Variants in CTNNA3 observed in about 807,000 individuals in gnomAD.
The protein encoded by CTNNA3 is catenin alpha-3.
In CTNNA3, 76 loss-of-function variants were observed where a neutral mutation model predicts 95.7. The ratio of observed to expected loss-of-function variants is 0.79; its 90% CI spans 0.66 to 0.96. The LOEUF is 0.96. Ranked by LOEUF, CTNNA3 falls within the 40% of genes least tolerant of loss-of-function variation. CTNNA3 has a pLI of 0.00. For synonymous variants in CTNNA3, 431 were observed against 374.4 expected (o/e 1.15, Z -1.74); for missense variants, 1,191 against 1,089.8 (o/e 1.09, Z -1.31).
chr10:66,121,576 G>T (rs900391177), intron 13 of CTNNA3, among the ~76,000 whole-genome samples: 3 of 152,152 alleles, frequency 2.0e-5, no homozygotes, highest in Non-Finnish European at 2.9e-5. Flanking sequence ...GTAGCCAGGT[G>T]CAGTGGTTCA....
At chr10:67,345,766 T>C (rs1842390963) in intron 5 of CTNNA3, among the ~76,000 whole-genome samples, 1 of 152,046 alleles carries the variant, frequency 6.6e-6, no homozygotes, top group South Asian at 2.1e-4. Context: ...TGGGTCTTAT[T>C]TTTTTATCCA....
At position 66,130,566 on chromosome 10, in the gene CTNNA3, C is replaced by T. The variant is rs567144868; in HGVS notation, c.1885-27317G>A. Reference sequence around the variant, plus strand: ...CTCCATAGAAATACAAAGAATCGGCCGGGCACTGTGGCTCACGCCTGTAAT... The same window carrying T: ...CTCCATAGAAATACAAAGAATCGGCTGGGCACTGTGGCTCACGCCTGTAAT... On this transcript the variant is annotated intron_variant, in intron 13 of 17. Coordinates refer to ENST00000433211, the MANE Select transcript of CTNNA3 (RefSeq NM_013266.4). Among the ~76,000 whole-genome samples the T allele has an allele frequency of 2.0e-4, 30 of 152,066 alleles. No individual in the cohort carries two copies. The South Asian group carries it at 2.5e-3, about 13-fold the overall frequency.
chr10:67,085,917 G>A (rs961158193), intron 7 of CTNNA3, among the ~76,000 whole-genome samples: 39 of 151,552 alleles, frequency 2.6e-4, no homozygotes, highest in South Asian at 2.1e-4. Flanking sequence ...TAAACATGAC[G>A]TTATCTATAT....
intron 11 of CTNNA3, among the ~76,000 whole-genome samples, chr10:66,516,547 C>A (rs946918075): frequency 1.3e-5 from 2 of 152,160 alleles, no homozygotes; most frequent in African/African-American, 4.8e-5. Flanking sequence ...TCAGTGACAT[C>A]ACATTGGTAG....
At chr10:67,442,526 CTATCTGAATGA>C (rs1244525381) in intron 5 of CTNNA3, among the ~76,000 whole-genome samples, 1 of 152,012 alleles carries the variant, frequency 6.6e-6, no homozygotes, top group Non-Finnish European at 1.5e-5. Flanking sequence ...AAAAGATACT[CTATCTGAATGA>C]ACAGCCCCCC....
intron 7 of CTNNA3, among the ~76,000 whole-genome samples, chr10:67,110,918 A>G (rs1298240616): frequency 6.6e-6 from 1 of 152,182 alleles, no homozygotes; most frequent in Non-Finnish European, 1.5e-5. Context: ...GTAAGACTTA[A>G]CCTAAATAAG....
chr10:67,312,608 G>A (rs1435251447), intron 5 of CTNNA3, among the ~76,000 whole-genome samples: 1 of 152,222 alleles, frequency 6.6e-6, no homozygotes. Flanking sequence ...GACTGGACAT[G>A]CACATAGCAA....
intron 7 of CTNNA3, among the ~76,000 whole-genome samples, chr10:67,059,727 G>T (rs528244896): frequency 3.9e-5 from 6 of 152,188 alleles, no homozygotes; most frequent in African/African-American, 1.4e-4. Context: ...TCAGAATGGA[G>T]AAAAATCTGA....
At chr10:66,174,220 T>A (rs1443682419) in intron 13 of CTNNA3, among the ~76,000 whole-genome samples, 1 of 152,162 alleles carries the variant, frequency 6.6e-6, no homozygotes, top group African/African-American at 2.4e-5. Context: ...GCCCAGGCTC[T>A]TATTTAGTAT....
intron 5 of CTNNA3, among the ~76,000 whole-genome samples, chr10:67,458,908 A>G (rs1343331503): frequency 1.3e-5 from 2 of 152,176 alleles, no homozygotes; most frequent in Non-Finnish European, 2.9e-5. Context: ...TCAATCCCCA[A>G]GAACGTGGAT....
intron 13 of CTNNA3, among the ~76,000 whole-genome samples, chr10:66,209,429 T>C (rs1299347227): frequency 1.3e-5 from 2 of 152,110 alleles, no homozygotes; most frequent in Non-Finnish European, 2.9e-5. Context: ...AAGGTACATC[T>C]CAATGATAAG....
intron 1 of CTNNA3, among the ~76,000 whole-genome samples, chr10:67,741,073 A>G (rs1219139265): frequency 3.3e-5 from 5 of 150,882 alleles, no homozygotes; most frequent in African/African-American, 1.2e-4. Context: ...AAAAACAAAC[A>G]CCGCATATTC....
chr10:66,676,261 G>A (rs1442872428), intron 9 of CTNNA3, among the ~76,000 whole-genome samples: 2 of 151,946 alleles, frequency 1.3e-5, no homozygotes, highest in Non-Finnish European at 2.9e-5. Context: ...GATAGGAAAA[G>A]GTATTCAACT....
chr10:67,302,583 A>G (rs1840372541), intron 5 of CTNNA3, among the ~76,000 whole-genome samples: 1 of 152,206 alleles, frequency 6.6e-6, no homozygotes, highest in South Asian at 2.1e-4. Flanking sequence ...TAAATAAGTT[A>G]TCACTGACAT....
chr10:66,147,378 A>G (rs2083942590), intron 13 of CTNNA3, among the ~76,000 whole-genome samples: 1 of 152,092 alleles, frequency 6.6e-6, no homozygotes, highest in Non-Finnish European at 1.5e-5. Context: ...AAGAACTAAT[A>G]TTTTACCACT....
At chr10:66,041,657 T>G (rs2079690925) in intron 15 of CTNNA3, among the ~76,000 whole-genome samples, 1 of 152,190 alleles carries the variant, frequency 6.6e-6, no homozygotes, top group African/African-American at 2.4e-5. Context: ...ATCTCATCAC[T>G]AAATATAGAT....
chr10:67,029,110 C>A (rs912883386), intron 7 of CTNNA3, among the ~76,000 whole-genome samples: 2 of 152,178 alleles, frequency 1.3e-5, no homozygotes, highest in Non-Finnish European at 2.9e-5. Flanking sequence ...GCTGATCTTT[C>A]TTTATGTCTC....
At chr10:66,481,601 A>T (rs2131903272) in intron 11 of CTNNA3, among the ~76,000 whole-genome samples, 1 of 145,104 alleles carries the variant, frequency 6.9e-6, no homozygotes, top group Non-Finnish European at 1.5e-5. Context: ...CCTCCCGAGT[A>T]GCTGGGACTA....
intron 7 of CTNNA3, among the ~76,000 whole-genome samples, chr10:67,048,985 C>G (rs1333205639): frequency 6.7e-6 from 1 of 148,186 alleles, no homozygotes; most frequent in East Asian, 2.0e-4. Flanking sequence ...ATTTTATTTT[C>G]TTTTAACATA....
Sources: gnomAD v4.1 joint callset for allele counts (sites outside exome capture counted in the v4.1 genomes callset) on GRCh38, gnomAD v4.1.1 for gene constraint, MANE v1.5 for transcripts, NCBI Gene and HGNC (gene_info 2026-07-23, HGNC 2026-07-21) for gene names.